Variants in ATOSA observed in about 807,000 individuals in gnomAD.
ATOSA encodes the protein atos homolog A, also known as atos homolog protein A.
the ATOSA span, among the ~76,000 whole-genome samples, chr15:52,659,288 G>C: frequency 6.6e-6 from 1 of 152,210 alleles, no homozygotes; most frequent in Admixed American, 6.5e-5. Context: ...GGTTATACTT[G>C]TTTCAGTGAA....
At chr15:52,623,264 A>G in the ATOSA span, among the ~76,000 whole-genome samples, 1 of 152,064 alleles carries the variant, frequency 6.6e-6, no homozygotes, top group African/African-American at 2.4e-5. Context: ...GAGCCATTAG[A>G]GGGTTTTAAC....
the ATOSA span, among the ~76,000 whole-genome samples, chr15:52,673,259 C>G: frequency 7.2e-5 from 11 of 152,192 alleles, no homozygotes; most frequent in African/African-American, 2.4e-4. Flanking sequence ...AAGCAGCTTT[C>G]CAAGATCACA....
chr15:52,668,116 T>G, the ATOSA span, among the ~76,000 whole-genome samples: 3 of 152,254 alleles, frequency 2.0e-5, no homozygotes, highest in Non-Finnish European at 4.4e-5. Flanking sequence ...TACTCCCATA[T>G]TTATTGCAGT....
At chr15:52,677,688 C>CTAAAA in the ATOSA span, among the ~76,000 whole-genome samples, 516 of 152,278 alleles carry the variant, frequency 3.4e-3, 19 homozygotes, top group East Asian at 0.095. Flanking sequence ...GATTGACTAC[C>CTAAAA]TAAAAACGAG....
the ATOSA span, among the ~76,000 whole-genome samples, chr15:52,612,862 G>C: frequency 1.3e-5 from 2 of 151,782 alleles, no homozygotes; most frequent in Non-Finnish European, 2.9e-5. Context: ...AAACTAATAA[G>C]TGGGAGAAAA....
the ATOSA span, among the ~76,000 whole-genome samples, chr15:52,668,226 A>C: frequency 6.6e-6 from 1 of 152,242 alleles, no homozygotes; most frequent in Non-Finnish European, 1.5e-5. Context: ...ATAGAGCCAC[A>C]AAAGGAATAA....
the ATOSA span, among the ~76,000 whole-genome samples, chr15:52,706,126 G>A: frequency 6.6e-6 from 1 of 152,190 alleles, no homozygotes; most frequent in Non-Finnish European, 1.5e-5. Context: ...ACTTCTGTGA[G>A]TATACATACC....
the ATOSA span, chr15:52,598,448 A>T: frequency 6.6e-6 from 1 of 152,200 alleles, no homozygotes; most frequent in South Asian, 2.1e-4. Flanking sequence ...TCCCCCAACA[A>T]CATTACAGGG....
At chr15:52,611,260 G>A in the ATOSA span, 56 of 1,609,612 alleles carry the variant, frequency 3.5e-5, no homozygotes, top group Non-Finnish European at 4.3e-5. Flanking sequence ...CCATTCCTAA[G>A]GAAGTAACAA....
At chr15:52,604,186 C>A in the ATOSA span, among the ~76,000 whole-genome samples, 1 of 152,176 alleles carries the variant, frequency 6.6e-6, no homozygotes, top group African/African-American at 2.4e-5. Context: ...CTTTGGGAGG[C>A]GGAGGCGGGC....
At chr15:52,659,166 T>C in the ATOSA span, among the ~76,000 whole-genome samples, 1 of 152,306 alleles carries the variant, frequency 6.6e-6, no homozygotes, top group East Asian at 1.9e-4. Flanking sequence ...AGGACTTTGT[T>C]TTTTGTTTCT....
At chr15:52,611,645 G>A in the ATOSA span, 25 of 1,613,864 alleles carry the variant, frequency 1.5e-5, no homozygotes, top group Admixed American at 3.7e-4. Context: ...GGATCATTTA[G>A]ATCAATTCCC....
the ATOSA span, among the ~76,000 whole-genome samples, chr15:52,623,615 T>C: frequency 6.6e-6 from 1 of 152,000 alleles, no homozygotes; most frequent in African/African-American, 2.4e-5. Flanking sequence ...CAGGAGTGCA[T>C]GGTCAATGGT....
the ATOSA span, among the ~76,000 whole-genome samples, chr15:52,640,232 T>G: frequency 6.6e-6 from 1 of 152,006 alleles, no homozygotes; most frequent in East Asian, 1.9e-4. Flanking sequence ...AAATCTAAAG[T>G]GTCAATTTTA....
the ATOSA span, among the ~76,000 whole-genome samples, chr15:52,616,038 A>G: frequency 5.9e-5 from 9 of 152,250 alleles, no homozygotes; most frequent in African/African-American, 2.2e-4. Context: ...CCAGTTTATC[A>G]TACATCCCCA....
the ATOSA span, chr15:52,600,307 C>G: frequency 2.2e-6 from 2 of 889,982 alleles, no homozygotes; most frequent in Non-Finnish European, 1.8e-6. Flanking sequence ...GAGACAGGGT[C>G]TCACTCTGTC....
At chr15:52,703,320 A>G in the ATOSA span, among the ~76,000 whole-genome samples, 2 of 152,202 alleles carry the variant, frequency 1.3e-5, no homozygotes, top group Non-Finnish European at 2.9e-5. Context: ...TACTGATTAA[A>G]TTTTATATAG....
chr15:52,670,704 C>T, the ATOSA span, among the ~76,000 whole-genome samples: 2 of 152,208 alleles, frequency 1.3e-5, no homozygotes, highest in South Asian at 2.1e-4. Flanking sequence ...ATAGCACCAA[C>T]TAAGATGCAG....
the ATOSA span, among the ~76,000 whole-genome samples, chr15:52,697,957 A>ATTTTTTTTTTTTTTTTTTTTTT: frequency 3.3e-4 from 15 of 44,778 alleles, 1 homozygote; most frequent in East Asian, 7.9e-4. Flanking sequence ...GGGATGTAGA[A>ATTTTTTTTTTTTTTTTTTTTTT]TTTTTTTTTT....
Sources: gnomAD v4.1 joint callset for allele counts (sites outside exome capture counted in the v4.1 genomes callset) on GRCh38, gnomAD v4.1.1 for gene constraint, MANE v1.5 for transcripts, NCBI Gene and HGNC (gene_info 2026-07-23, HGNC 2026-07-21) for gene names.